ANKH: variants seen among roughly 807,000 people sequenced by gnomAD.
ANKH encodes the protein mineralization regulator ANKH.
Under a neutral mutation model 49.0 loss-of-function variants are expected in ANKH, and 15 were observed. That is an observed-to-expected ratio of 0.31 (90% confidence interval 0.20 to 0.47). The LOEUF is 0.47. Ranked by LOEUF, ANKH falls within the 20% of genes least tolerant of loss-of-function variation. The pLI, the probability that ANKH is intolerant of heterozygous loss-of-function variation, is 1.00. For missense variants in ANKH, 429 were observed against 652.0 expected (o/e 0.66, Z 3.72); for synonymous variants, 273 against 260.0 (o/e 1.05, Z -0.48).
At chr5:14,810,009 G>GTTCCCT (rs1248487163) in intron 1 of ANKH, among the ~76,000 whole-genome samples, 2 of 152,100 alleles carry the variant, frequency 1.3e-5, no homozygotes, top group East Asian at 3.9e-4. Flanking sequence ...GTTCCCTGGT[G>GTTCCCT]GCACTAGTGC....
At chr5:14,727,311 C>T (rs148454507) in intron 8 of ANKH, among the ~76,000 whole-genome samples, 309 of 152,178 alleles carry the variant, frequency 2.0e-3, no homozygotes, top group East Asian at 0.011. Flanking sequence ...TCAACTGTTA[C>T]AGCATATTCA....
intron 7 of ANKH, among the ~76,000 whole-genome samples, chr5:14,742,910 G>A (rs1008894431): frequency 1.3e-5 from 2 of 152,160 alleles, no homozygotes; most frequent in African/African-American, 4.8e-5. Context: ...CACGAAAACT[G>A]GCAGAGAAAA....
In ANKH at chr5:14,705,482, T is replaced by C. The variant is rs976486174; in HGVS notation, c.*5715A>G. 6.6e-6 allele frequency: 1 copy of C among 152,188 alleles called. No homozygotes were observed. Among genetic ancestry groups the C allele is most frequent in the Non-Finnish European group, 1.5e-5 (1 of 68,032 alleles). 9.4% of individuals were successfully genotyped at this position (152,188 alleles called of 1,614,324 possible). ...ATGAGCAAGGTGAGGCCAAGAAGCG[T>C]GAGTGATATGGAAGCCTCCAGCTTG... On this transcript the variant is annotated 3_prime_UTR_variant, in exon 12 of 12. Coordinates refer to ENST00000284268, the MANE Select transcript of ANKH (RefSeq NM_054027.6).
chr5:14,769,493 A>AT (rs1386537718), intron 1 of ANKH, among the ~76,000 whole-genome samples: 3 of 151,842 alleles, frequency 2.0e-5, no homozygotes, highest in Non-Finnish European at 2.9e-5. Context: ...TTAAAAGTTG[A>AT]TTTTTTTAAA....
rs1313083565 is a variant in ANKH at position 14,871,579 on chromosome 5, C to CGCG, written c.-135_-133dup. On this transcript the variant is annotated 5_prime_UTR_variant, in exon 1 of 12. Transcript: ENST00000284268. ...AGGCCGCGGGCGGCGGGGCCTCGGGCGCGGCGGCGGCGGCTCCTCCTCGCG... is the reference window on the plus strand; with the variant it reads ...AGGCCGCGGGCGGCGGGGCCTCGGGCGCGGCGGCGGCGGCGGCTCCTCCTCGCG... 8.4e-6 allele frequency: 3 copies of CGCG among 356,894 alleles called. No homozygotes were observed. The highest frequency in any genetic ancestry group is 6.1e-5 in the Admixed American group (1 of 16,504). 22.1% of individuals were successfully genotyped at this position (356,894 alleles called of 1,614,324 possible). A position where few individuals can be genotyped will look rare whatever the true frequency, so the allele number is the denominator to read the frequency against.
At chr5:14,757,430 ATTTTT>A (rs1243593041) in intron 3 of ANKH, among the ~76,000 whole-genome samples, 5 of 113,800 alleles carry the variant, frequency 4.4e-5, no homozygotes, top group East Asian at 2.5e-4. Context: ...ATATATATAT[ATTTTT>A]TTTTTTTTTT....
At chr5:14,727,263 A>G (rs1323097486) in intron 8 of ANKH, among the ~76,000 whole-genome samples, 1 of 152,158 alleles carries the variant, frequency 6.6e-6, no homozygotes, top group African/African-American at 2.4e-5. Context: ...TAATTATTAT[A>G]AATCTTGAAT....
chr5:14,835,852 A>G (rs1741635955), intron 1 of ANKH, among the ~76,000 whole-genome samples: 3 of 152,156 alleles, frequency 2.0e-5, no homozygotes, highest in African/African-American at 4.8e-5. Context: ...GATGAACATC[A>G]ATGCAAAAAT....
At chr5:14,845,366 ATTTTTTT>A (rs60459352) in intron 1 of ANKH, among the ~76,000 whole-genome samples, 15,861 of 75,678 alleles carry the variant, frequency 0.21, 1,323 homozygotes, top group East Asian at 0.58. Flanking sequence ...ATATATATAT[ATTTTTTT>A]TTTTACCTTT....
At chr5:14,781,100 T>C (rs193174442) in intron 1 of ANKH, among the ~76,000 whole-genome samples, 2 of 152,340 alleles carry the variant, frequency 1.3e-5, no homozygotes, top group East Asian at 3.9e-4. Flanking sequence ...TCCACTGTTA[T>C]TGTTCTGTTG....
rs1737139887 is a variant in ANKH at position 14,710,693 on chromosome 5, G to GA, written c.*503dup. ...TGGTTTCGAACTCCGTGGCGGAAGG[G>GA]AAATTTAAGAGGCCACCGGGGCTCC... On this transcript the variant is annotated 3_prime_UTR_variant, in exon 12 of 12. Coordinates refer to ENST00000284268, the MANE Select transcript of ANKH (RefSeq NM_054027.6). 1 of 178,148 alleles carries GA rather than the reference G, an allele frequency of 5.6e-6. No individual in the cohort carries two copies. The highest frequency in any genetic ancestry group is 2.4e-5 in the African/African-American group (1 of 41,966). The allele number at this position is 178,148 out of a possible 1,614,324, so 11.0% of individuals were successfully genotyped here. A position where few individuals can be genotyped will look rare whatever the true frequency, so the allele number is the denominator to read the frequency against.
At chr5:14,834,148 C>T (rs774276179) in intron 1 of ANKH, among the ~76,000 whole-genome samples, 1 of 152,128 alleles carries the variant, frequency 6.6e-6, no homozygotes, top group Non-Finnish European at 1.5e-5. Flanking sequence ...TGGTAAAGAA[C>T]AAGAGCTCTA....
intron 8 of ANKH, among the ~76,000 whole-genome samples, chr5:14,717,240 C>T (rs1029997691): frequency 1.3e-5 from 2 of 152,164 alleles, no homozygotes; most frequent in Non-Finnish European, 2.9e-5. Context: ...AAAAAAAGAC[C>T]TGAAAGTACT....
In ANKH at chr5:14,716,884, G is replaced by A. The variant is rs369592087; in HGVS notation, c.1012-49C>T. On this transcript the variant is annotated intron_variant, in intron 8 of 11. Transcript: ENST00000284268. The stretch of plus-strand genomic sequence containing the variant: ...GGTTGTGAGGAAAAAGTGTAAGCAG[G>A]TGAAATGAGCAGATCAGGTGTGGCA... The A allele has an allele frequency of 7.5e-6, 12 of 1,607,692 alleles. 1 individual carries two copies. The highest frequency in any genetic ancestry group is 4.4e-5 in the South Asian group (4 of 90,646).
At chr5:14,743,915 T>C (rs1312260274) in intron 7 of ANKH, among the ~76,000 whole-genome samples, 4 of 152,198 alleles carry the variant, frequency 2.6e-5, no homozygotes, top group Admixed American at 2.6e-4. Flanking sequence ...AATTTTATGA[T>C]TTCAAGGTGG....
intron 1 of ANKH, among the ~76,000 whole-genome samples, chr5:14,842,579 A>G (rs1741843675): frequency 6.6e-6 from 1 of 152,190 alleles, no homozygotes; most frequent in African/African-American, 2.4e-5. Context: ...CTCAAACTGC[A>G]TAAGACCTGG....
intron 1 of ANKH, among the ~76,000 whole-genome samples, chr5:14,822,899 T>C (rs1242783831): frequency 6.6e-6 from 1 of 152,116 alleles, no homozygotes; most frequent in Non-Finnish European, 1.5e-5. Context: ...CTGGGCGCAG[T>C]GGTGCACGCC....
intron 1 of ANKH, among the ~76,000 whole-genome samples, chr5:14,854,401 C>T (rs11133798): frequency 0.11 from 16,572 of 152,220 alleles, 1,359 homozygotes; most frequent in East Asian, 0.44. Context: ...TGGTGGTAGC[C>T]GGGCATGGTG....
At chr5:14,793,177 C>T (rs1295414143) in intron 1 of ANKH, among the ~76,000 whole-genome samples, 1 of 149,420 alleles carries the variant, frequency 6.7e-6, no homozygotes, top group Non-Finnish European at 1.5e-5. Context: ...GGTGGACACT[C>T]TTACCAAAGT....
Sources: allele counts gnomAD v4.1 joint callset (sites outside exome capture counted in the v4.1 genomes callset), GRCh38; gene constraint gnomAD v4.1.1; transcripts MANE v1.5; gene names NCBI Gene and HGNC (gene_info 2026-07-23, HGNC 2026-07-21).